The following DNAJC3 variants were observed in gnomAD, a reference collection of about 807,000 sequenced individuals.
DNAJC3 encodes the protein dnaJ homolog subfamily C member 3.
DNAJC3 carries 38 observed loss-of-function variants against 68.6 expected under a neutral mutation model. The observed-to-expected ratio is 0.55, with a 90% confidence interval of 0.43 to 0.73. The LOEUF is 0.73. Ranked by LOEUF, DNAJC3 falls within the 30% of genes least tolerant of loss-of-function variation. The pLI is 0.00. For missense variants in DNAJC3, 526 were observed against 591.9 expected (o/e 0.89, Z 1.16); for synonymous variants, 203 against 204.0 (o/e 1.00, Z 0.04).
intron 9 of DNAJC3, among the ~76,000 whole-genome samples, chr13:95,779,525 C>G (rs1218414477): frequency 6.6e-6 from 1 of 152,156 alleles, no homozygotes; most frequent in Non-Finnish European, 1.5e-5. Context: ...ACATGAATCT[C>G]AGGCTTTTAA....
chr13:95,732,331 T>G (rs548696611), intron 4 of DNAJC3, among the ~76,000 whole-genome samples: 359 of 152,316 alleles, frequency 2.4e-3, no homozygotes, highest in Non-Finnish European at 4.2e-3. Flanking sequence ...TGGGAGACTT[T>G]AATTACTGAT....
chr13:95,720,669 C>T (rs142822070), intron 2 of DNAJC3, among the ~76,000 whole-genome samples: 1,951 of 152,216 alleles, frequency 0.013, 49 homozygotes, highest in African/African-American at 0.045. Context: ...AAGTTAATTA[C>T]AGTATTTTGT....
chr13:95,779,128 T>C (rs1175830155), intron 9 of DNAJC3, among the ~76,000 whole-genome samples: 3 of 138,834 alleles, frequency 2.2e-5, no homozygotes, highest in Admixed American at 1.4e-4. Flanking sequence ...TCTTTTTTTT[T>C]TTTTTTTTTT....
At chr13:95,783,918 T>G (rs896295178) in intron 9 of DNAJC3, among the ~76,000 whole-genome samples, 23 of 152,134 alleles carry the variant, frequency 1.5e-4, no homozygotes, top group Non-Finnish European at 3.2e-4. Context: ...ACCTTGCAGA[T>G]TGAATCCCAG....
intron 4 of DNAJC3, among the ~76,000 whole-genome samples, chr13:95,738,530 A>G (rs1470050779): frequency 6.6e-6 from 1 of 152,188 alleles, no homozygotes; most frequent in African/African-American, 2.4e-5. Flanking sequence ...ATATATATTT[A>G]GGATAGTTAG....
chr13:95,701,292 AT>A (rs1880581188), intron 1 of DNAJC3, among the ~76,000 whole-genome samples: 1 of 152,202 alleles, frequency 6.6e-6, no homozygotes, highest in Non-Finnish European at 1.5e-5. Flanking sequence ...CATATTGGTT[AT>A]TTAGAGTTGG....
intron 2 of DNAJC3, among the ~76,000 whole-genome samples, chr13:95,711,733 A>G (rs1279865411): frequency 6.6e-6 from 1 of 152,308 alleles, no homozygotes; most frequent in East Asian, 1.9e-4. Flanking sequence ...TGACAGAACT[A>G]AAAGGAGAAA....
intron 4 of DNAJC3, among the ~76,000 whole-genome samples, chr13:95,733,703 C>CTTTTT (rs146677839): frequency 6.8e-5 from 7 of 102,932 alleles, no homozygotes; most frequent in Non-Finnish European, 1.2e-4. Context: ...CCTGGCCTGT[C>CTTTTT]TTTTTTTTTT....
intron 2 of DNAJC3, among the ~76,000 whole-genome samples, chr13:95,718,000 T>G (rs1881206457): frequency 6.6e-6 from 1 of 152,250 alleles, no homozygotes; most frequent in South Asian, 2.1e-4. Context: ...TATTGTTTTA[T>G]TCTGGCTAAT....
chr13:95,688,930 GTGTGTGTGTGTGT>G (rs1880144438), intron 1 of DNAJC3, among the ~76,000 whole-genome samples: 1 of 51,240 alleles, frequency 2.0e-5, no homozygotes, highest in Non-Finnish European at 5.5e-5. Context: ...TTGTGTGGGT[GTGTGTGTGTGTGT>G]GTGTGTGTGT....
At position 95,760,152 on chromosome 13, in the gene DNAJC3, A is replaced by C; in HGVS notation, c.659A>C (p.Asp220Ala). ...DLKAASKLKN[D>A]NTEAFYKIST... ...AAAGCTGCGTCAAAGTTGAAGAATG[A>C]TAATACTGAAGCGTTTTATAAAATA... The change falls in exon 6 of 12, where the codon GAT becomes GCT. Residue 220 changes from aspartate to alanine, a missense_variant. Transcript: ENST00000602402. The C allele has an allele frequency of 6.2e-7, 1 of 1,612,880 alleles. No individual in the cohort carries two copies. The highest frequency in any genetic ancestry group is 8.5e-7 in the Non-Finnish European group (1 of 1,179,306).
At chr13:95,785,125 C>T (rs189399941) in intron 9 of DNAJC3, among the ~76,000 whole-genome samples, 1 of 152,156 alleles carries the variant, frequency 6.6e-6, no homozygotes, top group East Asian at 1.9e-4. Context: ...CTTCTGTTCC[C>T]TTTCTTTCTA....
chr13:95,691,298 C>G (rs1221203284), intron 1 of DNAJC3, among the ~76,000 whole-genome samples: 1 of 149,438 alleles, frequency 6.7e-6, no homozygotes, highest in African/African-American at 2.5e-5. Flanking sequence ...ACTTCTCAGA[C>G]GGGGCACTTG....
chr13:95,778,512 AAGC>A (rs1292305037), intron 9 of DNAJC3, among the ~76,000 whole-genome samples: 3 of 152,248 alleles, frequency 2.0e-5, no homozygotes, highest in African/African-American at 7.2e-5. Context: ...AGCTTTTAAA[AAGC>A]AGGAGGTTTT....
rs182647415 is a variant in DNAJC3, at chr13:95,678,140, A to T, written c.82+803A>T. 1.7e-3 allele frequency among the ~76,000 whole-genome samples: 259 copies of T among 152,298 alleles called. 3 individuals carry two copies. The highest frequency in any genetic ancestry group is 2.7e-3 in the Non-Finnish European group (181 of 68,018). On this transcript the variant is annotated intron_variant, in intron 1 of 11. Transcript: ENST00000602402. The stretch of plus-strand genomic sequence containing the variant: ...CCTATCTTAGATGGCAGCGGGGAGG[A>T]GTAAGAATTAAAGTTGATAGTGCCG...
intron 7 of DNAJC3, among the ~76,000 whole-genome samples, chr13:95,762,429 C>T (rs1421415653): frequency 6.6e-6 from 1 of 152,066 alleles, no homozygotes; most frequent in Non-Finnish European, 1.5e-5. Flanking sequence ...AAAAAAGAAC[C>T]CAGGGAACGT....
intron 1 of DNAJC3, among the ~76,000 whole-genome samples, chr13:95,683,570 C>T (rs1293546861): frequency 2.0e-5 from 3 of 152,208 alleles, no homozygotes; most frequent in African/African-American, 7.2e-5. Flanking sequence ...TGAGGCCTCC[C>T]CAGCCATGCT....
intron 1 of DNAJC3, chr13:95,694,902 A>G (rs921042023): frequency 6.6e-6 from 1 of 152,580 alleles, no homozygotes; most frequent in African/African-American, 2.4e-5. Context: ...GTCCCTAGAA[A>G]CCTGAAATAC....
At chr13:95,786,108 A>T (rs768534466) in intron 10 of DNAJC3, 37 bp downstream of exon 10, 9 of 1,553,612 alleles carry the variant, frequency 5.8e-6, no homozygotes, top group African/African-American at 2.8e-5. Flanking sequence ...TGCTATTTTT[A>T]ATCAACTCTG....
Sources: gnomAD v4.1 joint callset for allele counts (sites outside exome capture counted in the v4.1 genomes callset) on GRCh38, gnomAD v4.1.1 for gene constraint, MANE v1.5 for transcripts, NCBI Gene and HGNC (gene_info 2026-07-23, HGNC 2026-07-21) for gene names.